The following ITGA2 variants were observed in gnomAD, a reference collection of about 807,000 sequenced individuals.
The protein encoded by ITGA2 is integrin subunit alpha 2.
ITGA2 carries 101 observed loss-of-function variants against 146.3 expected under a neutral mutation model. The ratio of observed to expected loss-of-function variants is 0.69; its 90% CI spans 0.59 to 0.81. ITGA2 has a LOEUF of 0.81. Among genes scored for constraint, ITGA2 ranks in the 40% least tolerant of loss-of-function variants. The pLI, the probability that ITGA2 is intolerant of heterozygous loss-of-function variation, is 0.00. For synonymous variants in ITGA2, 477 were observed against 487.1 expected, an observed-to-expected ratio of 0.98 and a Z score of 0.27; for missense variants, 1,281 against 1,402.7, an observed-to-expected ratio of 0.91 and a Z score of 1.39.
chr5:52,999,587 G>A (rs1414714722), intron 1 of ITGA2, among the ~76,000 whole-genome samples: 1 of 151,846 alleles, frequency 6.6e-6, no homozygotes, highest in East Asian at 1.9e-4. Context: ...AACACAGAGG[G>A]CCCAGATAGA....
chr5:53,031,280 C>G (rs565466229), intron 2 of ITGA2, among the ~76,000 whole-genome samples: 1 of 152,194 alleles, frequency 6.6e-6, no homozygotes, highest in Non-Finnish European at 1.5e-5. Context: ...AGTTCTTTTT[C>G]CATGGATTTA....
At chr5:53,078,898 G>A in intron 24 of ITGA2, 24 bp downstream of exon 24, 3 of 1,262,138 alleles carry the variant, frequency 2.4e-6, no homozygotes, top group Non-Finnish European at 3.5e-6. Flanking sequence ...TCATAAGGAT[G>A]GCAAATCCAG....
At chr5:53,086,612 G>A (rs76529944) in intron 27 of ITGA2, among the ~76,000 whole-genome samples, 16,917 of 152,198 alleles carry the variant, frequency 0.11, 1,141 homozygotes, top group African/African-American at 0.18. Context: ...TTCCCAGTTA[G>A]AAATATTCAT....
rs973165590 is a variant in ITGA2, at chr5:53,072,064, A to G, written c.2346+16A>G. 4 of 1,545,226 alleles carry G rather than the reference A, an allele frequency of 2.6e-6. No homozygotes were observed. The highest frequency in any genetic ancestry group is 3.4e-4 in the Middle Eastern group (2 of 5,934). On this transcript the variant is annotated intron_variant, in intron 18 of 29. Coordinates refer to ENST00000296585, the MANE Select transcript of ITGA2 (RefSeq NM_002203.4). ...GGTCTTCAGTGTAAGTGCAGCTTACACTTCCTGGATTTAGACTGGCAAATA... is the reference window on the plus strand; with the variant it reads ...GGTCTTCAGTGTAAGTGCAGCTTACGCTTCCTGGATTTAGACTGGCAAATA...
At chr5:53,024,942 A>AT (rs1319680411) in intron 1 of ITGA2, among the ~76,000 whole-genome samples, 2 of 152,216 alleles carry the variant, frequency 1.3e-5, no homozygotes, top group South Asian at 2.1e-4. Context: ...ATAGTAACAC[A>AT]TATATGCCTA....
At chr5:53,011,934 G>C (rs772911953) in intron 1 of ITGA2, among the ~76,000 whole-genome samples, 1 of 152,106 alleles carries the variant, frequency 6.6e-6, no homozygotes, top group Non-Finnish European at 1.5e-5. Flanking sequence ...TAAGTAATGA[G>C]TGTATTTGAA....
rs550824377 is a variant in ITGA2 at position 53,094,384 on chromosome 5, T to A, written c.*3785T>A. Reference sequence around the variant, plus strand: ...ATAAAGTTTCATATGTACCTGTTTATTTTGGCAGATTAAGTCAAAATATGA... The same window carrying A: ...ATAAAGTTTCATATGTACCTGTTTAATTTGGCAGATTAAGTCAAAATATGA... On this transcript the variant is annotated 3_prime_UTR_variant, in exon 30 of 30. Coordinates refer to ENST00000296585, the MANE Select transcript of ITGA2 (RefSeq NM_002203.4). The A allele has an allele frequency of 6.6e-6, 1 of 152,314 alleles. No homozygotes were observed. Among genetic ancestry groups the A allele is most frequent in the Non-Finnish European group, 1.5e-5 (1 of 68,002 alleles). The allele number at this position is 152,314 out of a possible 1,614,324, so 9.4% of individuals were successfully genotyped here. A position where few individuals can be genotyped will look rare whatever the true frequency, so the allele number is the denominator to read the frequency against.
At chr5:53,046,492 T>G (rs1352476836) in intron 4 of ITGA2, among the ~76,000 whole-genome samples, 10 of 152,008 alleles carry the variant, frequency 6.6e-5, no homozygotes, top group Admixed American at 1.3e-4. Flanking sequence ...GTCTTTACAA[T>G]AAGGTTGCTT....
chr5:53,002,055 A>C (rs977193787), intron 1 of ITGA2, among the ~76,000 whole-genome samples: 8 of 152,112 alleles, frequency 5.3e-5, no homozygotes, highest in African/African-American at 1.9e-4. Context: ...TTAAAAAAAT[A>C]TTGATTTTTA....
intron 17 of ITGA2, 85 bp downstream of exon 17, chr5:53,070,345 T>C (rs1745332813): frequency 3.0e-6 from 4 of 1,353,018 alleles, no homozygotes; most frequent in Non-Finnish European, 4.2e-6. Context: ...AGCTTATGAG[T>C]TAGAAAATGC....
At chr5:52,999,004 G>T (rs1275541756) in intron 1 of ITGA2, among the ~76,000 whole-genome samples, 1 of 152,116 alleles carries the variant, frequency 6.6e-6, no homozygotes, top group Non-Finnish European at 1.5e-5. Flanking sequence ...GAGTTTGTTT[G>T]CTTTTAAAAT....
chr5:53,002,084 A>C (rs550599133), intron 1 of ITGA2, among the ~76,000 whole-genome samples: 37 of 152,240 alleles, frequency 2.4e-4, no homozygotes, highest in African/African-American at 8.9e-4. Flanking sequence ...AATTCTCCTC[A>C]TACTATTTAT....
intron 4 of ITGA2, among the ~76,000 whole-genome samples, chr5:53,045,830 C>G (rs1744054221): frequency 6.6e-6 from 1 of 151,946 alleles, no homozygotes; most frequent in Non-Finnish European, 1.5e-5. Flanking sequence ...AAGACAAAAA[C>G]ACAATCTTAT....
intron 27 of ITGA2, among the ~76,000 whole-genome samples, chr5:53,084,026 C>CA (rs1370025370): frequency 6.6e-6 from 1 of 152,170 alleles, no homozygotes; most frequent in African/African-American, 2.4e-5. Context: ...TCTCAATCCC[C>CA]ATGAAAGTTT....
At chr5:52,993,663 A>G (rs915344613) in intron 1 of ITGA2, among the ~76,000 whole-genome samples, 1 of 152,234 alleles carries the variant, frequency 6.6e-6, no homozygotes, top group Admixed American at 6.5e-5. Context: ...TAATGTAAAG[A>G]GATGAGCTTC....
chr5:53,067,068 G>A (rs369689591), intron 15 of ITGA2, 50 bp from the exon 16 acceptor site: 29 of 1,578,134 alleles, frequency 1.8e-5, no homozygotes, highest in African/African-American at 1.6e-4. Context: ...GATATAATAC[G>A]TGTGCTCAGT....
intron 4 of ITGA2, among the ~76,000 whole-genome samples, chr5:53,046,008 T>C (rs940488649): frequency 1.3e-5 from 2 of 151,726 alleles, no homozygotes; most frequent in African/African-American, 2.4e-5. Context: ...CTGGCCAACA[T>C]GGTGAAACCC....
intron 6 of ITGA2, 141 bp from the exon 7 acceptor site, chr5:53,051,270 C>A: frequency 1.3e-6 from 1 of 793,812 alleles, no homozygotes; most frequent in Non-Finnish European, 2.1e-6. Context: ...AGAAAAGTAA[C>A]TATCAAGAAC....
At chr5:53,000,684 CT>C (rs1342103407) in intron 1 of ITGA2, among the ~76,000 whole-genome samples, 1 of 151,896 alleles carries the variant, frequency 6.6e-6, no homozygotes, top group Non-Finnish European at 1.5e-5. Flanking sequence ...TGGTTCTTTT[CT>C]AAATTTCTTT....
Sources: gnomAD v4.1 joint callset for allele counts (sites outside exome capture counted in the v4.1 genomes callset) on GRCh38, gnomAD v4.1.1 for gene constraint, MANE v1.5 for transcripts, NCBI Gene and HGNC (gene_info 2026-07-23, HGNC 2026-07-21) for gene names.